NFIB: variants seen among roughly 807,000 people sequenced by gnomAD.
The protein encoded by NFIB is nuclear factor I B, also known as nuclear factor 1 B-type.
Under a neutral mutation model 61.5 loss-of-function variants are expected in NFIB, and 11 were observed. That is an observed-to-expected ratio of 0.18 (90% CI 0.11 to 0.30). The LOEUF is 0.30. Among genes scored for constraint, NFIB ranks in the 10% least tolerant of loss-of-function variants. NFIB has a pLI of 1.00. For synonymous variants in NFIB, 260 were observed against 216.5 expected (o/e 1.20, Z -1.76); for missense variants, 471 against 608.9 (o/e 0.77, Z 2.38).
intron 2 of NFIB, among the ~76,000 whole-genome samples, chr9:14,233,005 CCTT>C (rs748748071): frequency 1.5e-4 from 23 of 152,118 alleles, no homozygotes; most frequent in Non-Finnish European, 3.1e-4. Context: ...CTGGCTTCCT[CCTT>C]CTTCTAACAC....
At chr9:14,403,336 G>C (rs1002140409), upstream of NFIB, among the ~76,000 whole-genome samples, 3 of 152,220 alleles carry the variant, frequency 2.0e-5, no homozygotes, top group East Asian at 5.8e-4. Context: ...CAGGGCATCT[G>C]TGCCAGGTGG....
chr9:14,159,440 T>A (rs954494035), intron 3 of NFIB, among the ~76,000 whole-genome samples: 4 of 152,120 alleles, frequency 2.6e-5, no homozygotes, highest in Non-Finnish European at 5.9e-5. Flanking sequence ...GAGACTTTAG[T>A]GGAGGAAGGT....
At chr9:14,503,161 T>C in the NFIB span, among the ~76,000 whole-genome samples, 1 of 151,096 alleles carries the variant, frequency 6.6e-6, no homozygotes, top group Admixed American at 6.6e-5. Context: ...ATAATATATA[T>C]ATATATCATT....
At chr9:14,332,294 C>G (rs2060830777) in intron 1 of NFIB, among the ~76,000 whole-genome samples, 1 of 140,116 alleles carries the variant, frequency 7.1e-6, no homozygotes, top group African/African-American at 2.6e-5. Context: ...GATCGTGCCA[C>G]TGCACTCCAG....
intron 2 of NFIB, among the ~76,000 whole-genome samples, chr9:14,247,271 T>C (rs193203572): frequency 1.1e-3 from 164 of 152,340 alleles, no homozygotes; most frequent in Non-Finnish European, 1.9e-3. Context: ...TGATGCACAA[T>C]GTATTTAACT....
chr9:14,332,593 T>C (rs1223887456), intron 1 of NFIB, among the ~76,000 whole-genome samples: 1 of 152,168 alleles, frequency 6.6e-6, no homozygotes, highest in Non-Finnish European at 1.5e-5. Flanking sequence ...ACCGGAGCAG[T>C]GTCCAAAAGG....
At chr9:14,517,107 C>A in the NFIB span, among the ~76,000 whole-genome samples, 1 of 152,152 alleles carries the variant, frequency 6.6e-6, no homozygotes, top group African/African-American at 2.4e-5. Flanking sequence ...TCTGACTACC[C>A]CTAAATAGAT....
At chr9:14,135,779 T>C (rs190502166) in intron 6 of NFIB, among the ~76,000 whole-genome samples, 110 of 152,118 alleles carry the variant, frequency 7.2e-4, no homozygotes, top group Non-Finnish European at 1.2e-3. Flanking sequence ...TTCTCAACCA[T>C]TTTTTTTAAA....
intron 3 of NFIB, among the ~76,000 whole-genome samples, chr9:14,161,259 A>G (rs939116261): frequency 6.6e-6 from 1 of 152,186 alleles, no homozygotes; most frequent in Non-Finnish European, 1.5e-5. Context: ...TGTGATTATA[A>G]AATAGAAATA....
At chr9:14,210,109 A>G (rs963802254) in intron 2 of NFIB, among the ~76,000 whole-genome samples, 1 of 152,152 alleles carries the variant, frequency 6.6e-6, no homozygotes, top group African/African-American at 2.4e-5. Context: ...AGCGCTACAC[A>G]TCTCCCCAAA....
At chr9:14,175,949 T>C (rs2046141147) in intron 3 of NFIB, among the ~76,000 whole-genome samples, 1 of 152,202 alleles carries the variant, frequency 6.6e-6, no homozygotes, top group Non-Finnish European at 1.5e-5. Flanking sequence ...TTGCTATGTT[T>C]TCCTTGGATT....
upstream of NFIB, among the ~76,000 whole-genome samples, chr9:14,401,477 G>GCAGC (rs2061742875): frequency 6.6e-6 from 1 of 152,144 alleles, no homozygotes; most frequent in Non-Finnish European, 1.5e-5. Flanking sequence ...GAAACCTAGG[G>GCAGC]CAGCGTCTAT....
At chr9:14,191,425 T>A (rs1248520456) in intron 2 of NFIB, among the ~76,000 whole-genome samples, 1 of 152,112 alleles carries the variant, frequency 6.6e-6, no homozygotes, top group Non-Finnish European at 1.5e-5. Context: ...CTCATCACTA[T>A]GGTTATTTGG....
upstream of NFIB, among the ~76,000 whole-genome samples, chr9:14,316,711 C>T (rs1177841056): frequency 6.6e-6 from 1 of 152,038 alleles, no homozygotes; most frequent in East Asian, 1.9e-4. Context: ...ACCACCAGCA[C>T]GAAAGCATCA....
At chr9:14,450,004 T>C in the NFIB span, among the ~76,000 whole-genome samples, 1 of 152,228 alleles carries the variant, frequency 6.6e-6, no homozygotes, top group East Asian at 1.9e-4. Flanking sequence ...AGTTATAGGG[T>C]ACATGTTCAC....
intron 2 of NFIB, among the ~76,000 whole-genome samples, chr9:14,198,089 G>A (rs1170558311): frequency 6.6e-6 from 1 of 152,152 alleles, no homozygotes; most frequent in Non-Finnish European, 1.5e-5. Flanking sequence ...AGGTGGCTCA[G>A]GTTTAGGCAC....
At chr9:14,263,316 T>A (rs1373760413) in intron 2 of NFIB, among the ~76,000 whole-genome samples, 1 of 151,848 alleles carries the variant, frequency 6.6e-6, no homozygotes, top group Non-Finnish European at 1.5e-5. Flanking sequence ...AACTCAAGGA[T>A]GTTCATGAAG....
At chr9:14,465,618 C>G in the NFIB span, among the ~76,000 whole-genome samples, 5,672 of 151,756 alleles carry the variant, frequency 0.037, 152 homozygotes, top group Admixed American at 0.068. Flanking sequence ...CGCCCTACCC[C>G]CTGCAGCTAT....
chr9:14,116,430 G>A, intron 8 of NFIB, 84 bp from the exon 9 acceptor site: 1 of 1,351,372 alleles, frequency 7.4e-7, no homozygotes, highest in Non-Finnish European at 9.7e-7. Context: ...ACACACGACT[G>A]TGTGGATCCA....
Sources: gnomAD v4.1 joint callset for allele counts (sites outside exome capture counted in the v4.1 genomes callset) on GRCh38, gnomAD v4.1.1 for gene constraint, MANE v1.5 for transcripts, NCBI Gene and HGNC (gene_info 2026-07-23, HGNC 2026-07-21) for gene names.